Variants in UMAD1 observed in about 807,000 individuals in gnomAD.
UMAD1 encodes UBAP1-MVB12-associated (UMA) domain containing 1.
UMAD1 carries 8 observed loss-of-function variants against 6.1 expected under a neutral mutation model. The ratio of observed to expected loss-of-function variants is 1.30; its 90% CI spans 0.76 to 2.35. The LOEUF (loss-of-function observed/expected upper bound fraction) is 2.35, where lower values mean the gene tolerates loss of function less well. UMAD1 is among the 30% of genes most tolerant of loss of function. UMAD1 has a pLI of 0.00. For missense variants in UMAD1, 130 were observed against 78.4 expected (o/e 1.66, Z -2.49); for synonymous variants, 56 against 31.4 (o/e 1.78, Z -2.61).
At chr7:7,742,064 T>A (rs1781480562) in intron 2 of UMAD1, 1 of 558,022 alleles carries the variant, frequency 1.8e-6, no homozygotes, top group South Asian at 1.4e-5. Flanking sequence ...GCTTGGTACA[T>A]CATAGATGTT....
At chr7:7,643,875 G>T (rs1785035296) in intron 1 of UMAD1, among the ~76,000 whole-genome samples, 1 of 152,040 alleles carries the variant, frequency 6.6e-6, no homozygotes, top group African/African-American at 2.4e-5. Context: ...TTCCTGCTCT[G>T]GAACTTGCCT....
At chr7:7,746,197 G>A (rs545908135) in intron 2 of UMAD1, among the ~76,000 whole-genome samples, 15 of 152,294 alleles carry the variant, frequency 9.8e-5, no homozygotes, top group Admixed American at 2.6e-4. Flanking sequence ...CACTGTGTGT[G>A]GAGCTGAGTA....
intron 3 of UMAD1, among the ~76,000 whole-genome samples, chr7:7,804,385 A>T (rs1782864813): frequency 6.6e-6 from 1 of 152,232 alleles, no homozygotes; most frequent in Non-Finnish European, 1.5e-5. Context: ...TAAAATACAA[A>T]AATGAGACTG....
At chr7:7,734,745 T>C (rs1781318054) in intron 2 of UMAD1, among the ~76,000 whole-genome samples, 1 of 152,192 alleles carries the variant, frequency 6.6e-6, no homozygotes, top group African/African-American at 2.4e-5. Context: ...TTACCTATCA[T>C]TTCCATTAAT....
At chr7:7,765,299 T>C (rs1234491541) in intron 2 of UMAD1, among the ~76,000 whole-genome samples, 1 of 152,168 alleles carries the variant, frequency 6.6e-6, no homozygotes, top group Non-Finnish European at 1.5e-5. Context: ...TTCAAAATAC[T>C]CCTTTGGCTT....
intron 1 of UMAD1, among the ~76,000 whole-genome samples, chr7:7,650,989 A>G (rs1162844218): frequency 1.3e-5 from 2 of 152,168 alleles, no homozygotes; most frequent in African/African-American, 4.8e-5. Flanking sequence ...GCTCTCTTAA[A>G]AGAGCATTTG....
intron 2 of UMAD1, among the ~76,000 whole-genome samples, chr7:7,774,624 A>C (rs770409098): frequency 4.6e-5 from 7 of 152,212 alleles, no homozygotes; most frequent in Non-Finnish European, 1.0e-4. Context: ...AGAATACAAG[A>C]AATATTAAAT....
At chr7:7,871,764 C>T (rs998657304) in intron 3 of UMAD1, among the ~76,000 whole-genome samples, 2 of 151,794 alleles carry the variant, frequency 1.3e-5, no homozygotes, top group Non-Finnish European at 2.9e-5. Flanking sequence ...AAAGCATGTC[C>T]CAATTTTTTT....
chr7:7,761,452 A>ACT (rs1249424079), intron 2 of UMAD1, among the ~76,000 whole-genome samples: 15 of 151,996 alleles, frequency 9.9e-5, no homozygotes, highest in Non-Finnish European at 1.2e-4. Flanking sequence ...AAGACACTTG[A>ACT]CTGCCATCTG....
At chr7:7,678,882 C>T (rs374413514) in intron 2 of UMAD1, among the ~76,000 whole-genome samples, 103 of 4,846 alleles carry the variant, frequency 0.021, 37 homozygotes, top group African/African-American at 0.1. Context: ...AGTTTATAAA[C>T]ATATATTTAT....
intron 2 of UMAD1, among the ~76,000 whole-genome samples, chr7:7,714,853 C>CTTT (rs1029148023): frequency 1.8e-5 from 2 of 111,174 alleles, no homozygotes; most frequent in East Asian, 2.6e-4. Flanking sequence ...AAAAATTTTT[C>CTTT]TTTTTTTTTT....
chr7:7,657,601 T>A (rs1391445049), intron 1 of UMAD1, among the ~76,000 whole-genome samples: 1 of 152,168 alleles, frequency 6.6e-6, no homozygotes, highest in African/African-American at 2.4e-5. Context: ...TTTTCAGGTA[T>A]GTCAAAGATC....
chr7:7,650,574 C>T (rs905472491), intron 1 of UMAD1, among the ~76,000 whole-genome samples: 1 of 152,198 alleles, frequency 6.6e-6, no homozygotes, highest in Admixed American at 6.5e-5. Context: ...GTACCTAATG[C>T]CACTAAACCG....
chr7:7,724,673 T>C (rs561048714), intron 2 of UMAD1, among the ~76,000 whole-genome samples: 1 of 152,348 alleles, frequency 6.6e-6, no homozygotes, highest in South Asian at 2.1e-4. Flanking sequence ...CAGTGGATTA[T>C]TGTAAGCTTA....
intron 2 of UMAD1, among the ~76,000 whole-genome samples, chr7:7,683,549 A>G (rs1247524081): frequency 6.6e-6 from 1 of 152,216 alleles, no homozygotes; most frequent in African/African-American, 2.4e-5. Context: ...ATTTCCTTCA[A>G]TATATTAAAT....
At chr7:7,752,358 A>G (rs975705112) in intron 2 of UMAD1, among the ~76,000 whole-genome samples, 2 of 152,164 alleles carry the variant, frequency 1.3e-5, no homozygotes, top group African/African-American at 4.8e-5. Flanking sequence ...CTCTTGATTT[A>G]ACCACAAAAT....
intron 3 of UMAD1, among the ~76,000 whole-genome samples, chr7:7,872,597 G>A (rs1784350398): frequency 6.6e-6 from 1 of 152,206 alleles, no homozygotes; most frequent in African/African-American, 2.4e-5. Context: ...GACACACAAA[G>A]TGAGCACATG....
intron 3 of UMAD1, among the ~76,000 whole-genome samples, chr7:7,864,628 C>CACAG (rs1272035069): frequency 3.3e-5 from 5 of 151,600 alleles, no homozygotes; most frequent in Non-Finnish European, 7.4e-5. Flanking sequence ...CACACACACA[C>CACAG]ACACACACAC....
chr7:7,843,825 G>A (rs1196233344), intron 3 of UMAD1, among the ~76,000 whole-genome samples: 2 of 152,064 alleles, frequency 1.3e-5, no homozygotes, highest in Non-Finnish European at 1.5e-5. Context: ...CATGCCCCAG[G>A]CCAAGTAATG....
Sources: gnomAD v4.1 joint callset for allele counts (sites outside exome capture counted in the v4.1 genomes callset) on GRCh38, gnomAD v4.1.1 for gene constraint, MANE v1.5 for transcripts, NCBI Gene and HGNC (gene_info 2026-07-23, HGNC 2026-07-21) for gene names.